The following NCALD variants were observed in gnomAD, a reference collection of about 807,000 sequenced individuals.
NCALD encodes neurocalcin-delta.
Under a neutral mutation model 18.6 loss-of-function variants are expected in NCALD, and 10 were observed. The observed-to-expected ratio is 0.54, with a 90% CI of 0.33 to 0.91. The LOEUF is 0.91. NCALD is among the 40% of genes least tolerant of loss of function. The pLI is 0.03. For missense variants in NCALD, 184 were observed against 247.6 expected (o/e 0.74, Z 1.72); for synonymous variants, 88 against 87.4 (o/e 1.01, Z -0.04).
rs1049803716 is a variant in NCALD at position 101,989,633 on chromosome 8, T to C, written c.-157+30604A>G. On this transcript the variant is annotated intron_variant, in intron 2 of 6. Coordinates refer to the NCALD transcript ENST00000311028. Reference sequence around the variant, plus strand: ...TGCAGTTTAAAGGAGACAGGAAATATCATGTTCTTAGATTGACGGACTATA... The same window carrying C: ...TGCAGTTTAAAGGAGACAGGAAATACCATGTTCTTAGATTGACGGACTATA... 2.4e-4 allele frequency among the ~76,000 whole-genome samples: 37 copies of C among 152,180 alleles called. 1 individual carries two copies. Among genetic ancestry groups the C allele is most frequent in the Admixed American group, 2.4e-3 (36 of 15,278 alleles).
At chr8:102,083,144 T>A (rs1284446413) in intron 1 of NCALD, among the ~76,000 whole-genome samples, 2 of 152,260 alleles carry the variant, frequency 1.3e-5, no homozygotes, top group Admixed American at 1.3e-4. Flanking sequence ...GTCTTCCCCA[T>A]GGATGAGTTC....
In NCALD at chr8:101,688,755, GA is replaced by G. The variant is rs1814572325; in HGVS notation, c.*553del. ...TTTATCTTGAAATGTTCACAGCTTAGAAACTACAGCCTGCTGGGGAAGAGAG... is the reference window on the plus strand; with the variant it reads ...TTTATCTTGAAATGTTCACAGCTTAGAACTACAGCCTGCTGGGGAAGAGAG... On this transcript the variant is annotated 3_prime_UTR_variant, in exon 4 of 4. Coordinates refer to ENST00000220931, the MANE Select transcript of NCALD (RefSeq NM_032041.3). The G allele has an allele frequency of 1.8e-6, 1 of 550,762 alleles. No homozygotes were observed. Among genetic ancestry groups the G allele is most frequent in the Non-Finnish European group, 3.5e-6 (1 of 289,406 alleles). 34.1% of individuals were successfully genotyped at this position (550,762 alleles called of 1,614,324 possible). A position where few individuals can be genotyped will look rare whatever the true frequency, so the allele number is the denominator to read the frequency against.
chr8:101,759,464 T>C (rs1298049254), intron 1 of NCALD, among the ~76,000 whole-genome samples: 6 of 152,004 alleles, frequency 3.9e-5, no homozygotes, highest in South Asian at 2.1e-4. Flanking sequence ...ATGGGGAAAA[T>C]TGTATGCAGT....
intron 4 of NCALD, among the ~76,000 whole-genome samples, chr8:101,805,284 T>A (rs1487584125): frequency 6.6e-6 from 1 of 152,158 alleles, no homozygotes; most frequent in Non-Finnish European, 1.5e-5. Context: ...ATGTGGCCAA[T>A]AAGTCTGGCC....
chr8:102,083,724 ATT>A (rs1824636936), intron 1 of NCALD, among the ~76,000 whole-genome samples: 1 of 152,010 alleles, frequency 6.6e-6, no homozygotes, highest in Admixed American at 6.6e-5. Flanking sequence ...TTTCATTGCT[ATT>A]GTTTGTTTCC....
At chr8:101,988,173 A>G (rs7831736) in intron 2 of NCALD, among the ~76,000 whole-genome samples, 4 of 150,946 alleles carry the variant, frequency 2.6e-5, no homozygotes, top group East Asian at 2.0e-4. Context: ...AAAAAGAAAA[A>G]AAAAAAGAAA....
At chr8:101,909,625 C>T (rs1409212840) in intron 3 of NCALD, among the ~76,000 whole-genome samples, 1 of 151,962 alleles carries the variant, frequency 6.6e-6, no homozygotes, top group African/African-American at 2.4e-5. Flanking sequence ...CTTTGTTATC[C>T]CAGTGTTATT....
At chr8:101,975,357 C>T (rs1019780059) in intron 2 of NCALD, 1 of 152,178 alleles carries the variant, frequency 6.6e-6, no homozygotes, top group African/African-American at 2.4e-5. Flanking sequence ...AGCTGTTGAA[C>T]TATGGCTCTC....
intron 1 of NCALD, among the ~76,000 whole-genome samples, chr8:102,107,062 C>A (rs190181750): frequency 1.3e-5 from 2 of 151,314 alleles, no homozygotes; most frequent in African/African-American, 4.9e-5. Context: ...ACTATTTAAT[C>A]ATTCTGAACT....
At chr8:101,717,175 T>C (rs7816488) in intron 2 of NCALD, among the ~76,000 whole-genome samples, 21,686 of 152,180 alleles carry the variant, frequency 0.14, 1,690 homozygotes, top group African/African-American at 0.21. Context: ...GTCCCATAAA[T>C]TTTAGAGTTT....
chr8:102,086,692 T>C (rs894014359), intron 1 of NCALD, among the ~76,000 whole-genome samples: 1 of 152,168 alleles, frequency 6.6e-6, no homozygotes, highest in African/African-American at 2.4e-5. Context: ...TCAGAGGTGT[T>C]TGAACCAGAG....
At chr8:101,854,672 C>T (rs1419573264) in intron 4 of NCALD, among the ~76,000 whole-genome samples, 16 of 152,122 alleles carry the variant, frequency 1.1e-4, no homozygotes, top group Non-Finnish European at 1.5e-5. Flanking sequence ...CTTTCCTAGA[C>T]TCCCATGGAA....
chr8:102,117,931 A>T (rs1017448618), intron 1 of NCALD, among the ~76,000 whole-genome samples: 1 of 152,178 alleles, frequency 6.6e-6, no homozygotes, highest in African/African-American at 2.4e-5. Context: ...ATGATCTCTG[A>T]TTATTTGTCA....
intron 1 of NCALD, among the ~76,000 whole-genome samples, chr8:101,745,075 C>G (rs1286911962): frequency 6.6e-6 from 1 of 151,686 alleles, no homozygotes; most frequent in African/African-American, 2.4e-5. Flanking sequence ...TCACCGAGAA[C>G]GTCCTTGATA....
chr8:101,697,639 C>T (rs1563664744), intron 2 of NCALD, among the ~76,000 whole-genome samples: 1 of 152,092 alleles, frequency 6.6e-6, no homozygotes, highest in Non-Finnish European at 1.5e-5. Flanking sequence ...GCTAGTTCAA[C>T]ATATGCAAAT....
chr8:102,021,769 T>G (rs1822282610), intron 1 of NCALD, among the ~76,000 whole-genome samples: 1 of 152,230 alleles, frequency 6.6e-6, no homozygotes, highest in African/African-American at 2.4e-5. Flanking sequence ...CACAGTTTTT[T>G]GATACATAGA....
At chr8:101,704,772 T>A (rs1815429160) in intron 2 of NCALD, among the ~76,000 whole-genome samples, 2 of 150,140 alleles carry the variant, frequency 1.3e-5, no homozygotes, top group South Asian at 4.2e-4. Flanking sequence ...AAACAAAAAT[T>A]AGCCGGGCAT....
At chr8:101,872,311 G>T in intron 4 of NCALD, 2 of 1,370,944 alleles carry the variant, frequency 1.5e-6, no homozygotes, top group Non-Finnish European at 2.1e-6. Flanking sequence ...TTTCCCCTCA[G>T]CGAGTCTCTG....
chr8:101,895,043 G>T (rs993539978), intron 3 of NCALD, among the ~76,000 whole-genome samples: 59 of 149,638 alleles, frequency 3.9e-4, no homozygotes, highest in African/African-American at 1.3e-3. Context: ...TACCAAAGCC[G>T]GGCAGAGACA....
Sources: gnomAD v4.1 joint callset for allele counts (sites outside exome capture counted in the v4.1 genomes callset) on GRCh38, gnomAD v4.1.1 for gene constraint, MANE v1.5 for transcripts, NCBI Gene and HGNC (gene_info 2026-07-23, HGNC 2026-07-21) for gene names.